ROBO1: variants seen among roughly 807,000 people sequenced by gnomAD.
ROBO1 encodes the protein roundabout homolog 1.
A neutral mutation model predicts 195.9 loss-of-function variants in ROBO1; 149 were observed. The observed-to-expected ratio is 0.76, with a 90% CI of 0.67 to 0.87. The LOEUF (loss-of-function observed/expected upper bound fraction) is 0.87. Among genes scored for constraint, ROBO1 ranks in the 40% least tolerant of loss-of-function variants. ROBO1 has a pLI of 0.00. For synonymous variants in ROBO1, 816 were observed against 733.2 expected, an observed-to-expected ratio of 1.11 and a Z score of -1.82; for missense variants, 1,933 against 2,068.3, an observed-to-expected ratio of 0.93 and a Z score of 1.27.
At chr3:79,724,241 C>T (rs945224184) in intron 1 of ROBO1, among the ~76,000 whole-genome samples, 4 of 152,118 alleles carry the variant, frequency 2.6e-5, no homozygotes, top group African/African-American at 9.7e-5. Context: ...ATTTTCAATT[C>T]CTTTACATTT....
chr3:79,213,277 T>C (rs2081997988), intron 2 of ROBO1, among the ~76,000 whole-genome samples: 1 of 151,992 alleles, frequency 6.6e-6, no homozygotes, highest in African/African-American at 2.4e-5. Flanking sequence ...CAGCTAAAGC[T>C]CACCAAGTTA....
At chr3:79,649,705 G>A (rs1945943128) in intron 1 of ROBO1, among the ~76,000 whole-genome samples, 1 of 151,988 alleles carries the variant, frequency 6.6e-6, no homozygotes, top group South Asian at 2.1e-4. Context: ...TATCTCTGAG[G>A]GTATCTCTGG....
intron 2 of ROBO1, among the ~76,000 whole-genome samples, chr3:79,432,703 T>C (rs1355271801): frequency 2.6e-5 from 4 of 152,206 alleles, no homozygotes; most frequent in South Asian, 2.1e-4. Context: ...AAATATACGT[T>C]TCACCCTACC....
intron 1 of ROBO1, among the ~76,000 whole-genome samples, chr3:79,762,558 A>T: frequency 6.6e-6 from 1 of 151,534 alleles, no homozygotes; most frequent in Middle Eastern, 3.4e-3. Context: ...GTTTTCAAAC[A>T]TCGCTAAAAA....
chr3:79,306,087 T>C (rs1207883464), intron 2 of ROBO1, among the ~76,000 whole-genome samples: 1 of 152,212 alleles, frequency 6.6e-6, no homozygotes, highest in Non-Finnish European at 1.5e-5. Context: ...AGCAAGCTGA[T>C]ACTTACTTCA....
At chr3:78,904,221 T>A (rs2037758256) in intron 4 of ROBO1, among the ~76,000 whole-genome samples, 1 of 152,072 alleles carries the variant, frequency 6.6e-6, no homozygotes, top group Non-Finnish European at 1.5e-5. Flanking sequence ...TGTATGTGTG[T>A]CTGTCTGTAT....
At chr3:78,649,773 C>G (rs1706532755) in intron 19 of ROBO1, among the ~76,000 whole-genome samples, 2 of 152,074 alleles carry the variant, frequency 1.3e-5, no homozygotes, top group Admixed American at 1.3e-4. Context: ...TGCTTAAACA[C>G]AAGCTAAGTT....
chr3:79,300,355 G>GCACC (rs1312202268), intron 2 of ROBO1, among the ~76,000 whole-genome samples: 16 of 152,226 alleles, frequency 1.1e-4, no homozygotes, highest in Admixed American at 5.2e-4. Flanking sequence ...GAGGGGCTTA[G>GCACC]CACCCAGGCC....
chr3:79,012,859 T>C (rs899721512), intron 3 of ROBO1, among the ~76,000 whole-genome samples: 1 of 152,154 alleles, frequency 6.6e-6, no homozygotes, highest in African/African-American at 2.4e-5. Context: ...CATCTTTTTT[T>C]CTTCCTCTTC....
chr3:79,129,406 A>C lies in ROBO1; in HGVS notation c.89-3867T>G, dbSNP rs576617677. ...TATATGTGTGTGTGTATATATGTAC[A>C]TACATAAATTAGTAATTACATACAT... On this transcript the variant is annotated intron_variant, in intron 2 of 30. Coordinates refer to ENST00000464233, the MANE Select transcript of ROBO1 (RefSeq NM_002941.4). Among the ~76,000 whole-genome samples the C allele has an allele frequency of 2.6e-3, 392 of 152,206 alleles. 1 individual carries two copies. Among genetic ancestry groups the C allele is most frequent in the Non-Finnish European group, 4.0e-3 (275 of 67,990 alleles).
At chr3:78,632,837 T>G (rs568371126) in intron 24 of ROBO1, among the ~76,000 whole-genome samples, 30 of 152,328 alleles carry the variant, frequency 2.0e-4, no homozygotes, top group Admixed American at 8.5e-4. Context: ...TTAAAATATT[T>G]CATATGATTT....
chr3:78,976,790 A>G (rs2076893540), intron 3 of ROBO1, among the ~76,000 whole-genome samples: 1 of 152,184 alleles, frequency 6.6e-6, no homozygotes, highest in Non-Finnish European at 1.5e-5. Context: ...TAATGAGTCC[A>G]GCAATTAAAG....
At chr3:78,906,674 G>T (rs1576377982) in intron 4 of ROBO1, among the ~76,000 whole-genome samples, 1 of 151,982 alleles carries the variant, frequency 6.6e-6, no homozygotes, top group East Asian at 1.9e-4. Context: ...AGACAGTTTT[G>T]CACTCTTGAC....
At chr3:78,817,006 A>T (rs528229060) in intron 4 of ROBO1, among the ~76,000 whole-genome samples, 1 of 152,256 alleles carries the variant, frequency 6.6e-6, no homozygotes, top group East Asian at 1.9e-4. Context: ...AATAAAATAA[A>T]ATAAAACATT....
In ROBO1 at chr3:79,416,870, C is replaced by T. The variant is rs149737877; in HGVS notation, c.88+172954G>A. Reference sequence around the variant, plus strand: ...TAAAAGGATACATTTATTCCTATGGCACTCTGCAAGTGGCTTACACAAACA... The same window carrying T: ...TAAAAGGATACATTTATTCCTATGGTACTCTGCAAGTGGCTTACACAAACA... On this transcript the variant is annotated intron_variant, in intron 2 of 30. Transcript: ENST00000464233. 3.1e-3 allele frequency among the ~76,000 whole-genome samples: 474 copies of T among 152,228 alleles called. 2 individuals are homozygous for T. The highest frequency in any genetic ancestry group is 0.011 in the African/African-American group (437 of 41,550).
At chr3:79,186,181 A>G (rs1415719090) in intron 2 of ROBO1, among the ~76,000 whole-genome samples, 1 of 152,076 alleles carries the variant, frequency 6.6e-6, no homozygotes, top group Non-Finnish European at 1.5e-5. Flanking sequence ...ATGATACCCA[A>G]GTTAACTTTA....
intron 2 of ROBO1, among the ~76,000 whole-genome samples, chr3:79,336,359 T>C (rs935942546): frequency 1.3e-5 from 2 of 152,198 alleles, no homozygotes; most frequent in Non-Finnish European, 2.9e-5. Context: ...CTTTGTAGCT[T>C]TGGTACATGG....
intron 16 of ROBO1, 79 bp from the exon 17 acceptor site, chr3:78,659,886 T>C: frequency 9.4e-7 from 1 of 1,058,930 alleles, no homozygotes; most frequent in Non-Finnish European, 1.3e-6. Flanking sequence ...TCAAACCCAA[T>C]AATAGATGTA....
intron 2 of ROBO1, among the ~76,000 whole-genome samples, chr3:79,148,281 G>A (rs780885791): frequency 6.6e-6 from 1 of 151,872 alleles, no homozygotes; most frequent in African/African-American, 2.4e-5. Context: ...CAGTAAGAAT[G>A]AGAAGAAAGA....
Sources: gnomAD v4.1 joint callset for allele counts (sites outside exome capture counted in the v4.1 genomes callset) on GRCh38, gnomAD v4.1.1 for gene constraint, MANE v1.5 for transcripts, NCBI Gene and HGNC (gene_info 2026-07-23, HGNC 2026-07-21) for gene names.